CUL9: variants seen among roughly 807,000 people sequenced by gnomAD.
The protein encoded by CUL9 is cullin 9, also known as cullin-9.
CUL9 carries 79 observed loss-of-function variants against 272.6 expected under a neutral mutation model. That is an observed-to-expected ratio of 0.29 (90% CI 0.24 to 0.35). The LOEUF (loss-of-function observed/expected upper bound fraction) is 0.35, where lower values mean the gene tolerates loss of function less well. CUL9 is among the 10% of genes least tolerant of loss of function. The pLI, the probability that CUL9 is intolerant of heterozygous loss-of-function variation, is 1.00. For missense variants in CUL9, 2,532 were observed against 3,255.6 expected, an observed-to-expected ratio of 0.78 and a Z score of 5.41; for synonymous variants, 1,186 against 1,286.5, an observed-to-expected ratio of 0.92 and a Z score of 1.67.
At position 43,203,528 on chromosome 6, in the gene CUL9, C is replaced by G. The variant is rs1411887372; in HGVS notation, c.3961C>G (p.Arg1321Gly). 1 of 1,613,984 alleles carries G rather than the reference C, an allele frequency of 6.2e-7. No individual in the cohort carries two copies. Among genetic ancestry groups the G allele is most frequent in the African/African-American group, 1.3e-5 (1 of 74,894 alleles). ...CCGAACATGTCTCTTCTACACAATT[C>G]GGGCACAAGCCTGGAGCCGGGACAT... ...CRRTCLFYTI[R>G]AQAWSRDIAE... Residue 1321 changes from arginine (R) to glycine (G), a missense_variant, in exon 19 of 41, where the codon CGG (arginine) becomes GGG (glycine). Arg to Gly is a moderately radical substitution (Grantham distance 125). Coordinates refer to ENST00000252050, the MANE Select transcript of CUL9 (RefSeq NM_015089.4). This position sits in a 1 kb window ranked among gnomAD's most constrained non-coding sequence, Gnocchi z 5.0.
chr6:43,208,019 T>A (rs1018697802), intron 26 of CUL9, among the ~76,000 whole-genome samples: 1 of 152,150 alleles, frequency 6.6e-6, no homozygotes, highest in Non-Finnish European at 1.5e-5. Context: ...GTATATATAT[T>A]TTTTGGCTAT....
chr6:43,213,347 G>C lies in CUL9; in HGVS notation c.5358+53G>C. 1 of 1,611,158 alleles carries C rather than the reference G, an allele frequency of 6.2e-7. No homozygotes were observed. On this transcript the variant is annotated intron_variant, in intron 27 of 40. Transcript: ENST00000252050. The surrounding 1 kb of genome is among the most constrained non-coding windows in gnomAD (Gnocchi z 5.7). ...CTTCTCTGCTACCTTATCTGTCGCT[G>C]TTCTCCTCCTAAACCCTGTTCCTCC...
In CUL9 at chr6:43,199,796, C is replaced by T. The variant is rs1219299911; in HGVS notation, c.3157-133C>T. On this transcript the variant is annotated intron_variant, in intron 13 of 40. Transcript: ENST00000252050. This position sits in a 1 kb window ranked among gnomAD's most constrained non-coding sequence, Gnocchi z 4.4. ...ATTTTACTCCACCCTGAATTTGGTA[C>T]TCTTGTTTCCCTGGGCGTTGGCATG... The T allele has an allele frequency of 6.9e-6, 5 of 721,568 alleles. No individual in the cohort carries two copies. Among genetic ancestry groups the T allele is most frequent in the Admixed American group, 2.3e-5 (1 of 43,124 alleles). The allele number at this position is 721,568 out of a possible 1,614,324, so 44.7% of individuals were successfully genotyped here.
chr6:43,223,394 C>G lies in CUL9; in HGVS notation c.7281C>G (p.Ala2427=), dbSNP rs767411406. Residue 2427 remains alanine (A), a synonymous_variant, in exon 39 of 41, where the codon GCC becomes GCG. Transcript: ENST00000252050. This position sits in a 1 kb window ranked among gnomAD's most constrained non-coding sequence, Gnocchi z 4.1. The part of the protein sequence containing the change: ...ERLLAILQHS[A]QDFRVGLQSP... ...TGCTTGCCATCCTGCAGCATTCTGC[C>G]CAGGTACTGCCCGGCCCAGACCCCT... 6.3e-7 allele frequency: 1 copy of G among 1,594,146 alleles called. No individual in the cohort carries two copies. Among genetic ancestry groups the G allele is most frequent in the Non-Finnish European group, 8.5e-7 (1 of 1,169,772 alleles).
chr6:43,196,906 C>G lies in CUL9; in HGVS notation c.2803+44C>G, dbSNP rs553914142. On this transcript the variant is annotated intron_variant, in intron 11 of 40. Transcript: ENST00000252050. ...GGTTTTGCAGAGGAATCACACAGTG[C>G]CAGCCAGGTTTACATATCAGCTCCT... 2.6e-5 allele frequency: 39 copies of G among 1,508,364 alleles called. No homozygotes were observed. In the South Asian group the frequency reaches 4.2e-4, roughly 16 times the overall value. The allele number at this position is 1,508,364 out of a possible 1,614,324, so 93.4% of individuals were successfully genotyped here. A position where few individuals can be genotyped will look rare whatever the true frequency, so the allele number is the denominator to read the frequency against.
chr6:43,184,630 T>C lies in CUL9; in HGVS notation c.320T>C (p.Leu107Pro). The part of the protein sequence containing the change: ...SGSFPRDPGG[L>P]DEVAMGEMEA... ...AGCTTTCCTCGAGATCCAGGAGGCC[T>C]GGATGAAGTGGCAATGGGAGAGATG... Residue 107 changes from leucine (L) to proline (P), a missense_variant, in exon 2 of 41, where the codon CTG (leucine) becomes CCG (proline). Transcript: ENST00000252050. The surrounding 1 kb of genome is among the most constrained non-coding windows in gnomAD (Gnocchi z 4.8). 1 of 1,611,896 alleles carries C rather than the reference T, an allele frequency of 6.2e-7. No individual in the cohort carries two copies.
intron 8 of CUL9, among the ~76,000 whole-genome samples, chr6:43,192,361 T>C (rs766605443): frequency 2.6e-5 from 4 of 152,190 alleles, no homozygotes; most frequent in Non-Finnish European, 4.4e-5. Flanking sequence ...ACTATTTTTT[T>C]CTCAACATTT....
Position 43,186,991 on chromosome 6 carries a change from G to C in CUL9, c.1283G>C (p.Trp428Ser). The C allele has an allele frequency of 6.2e-7, 1 of 1,614,062 alleles. No individual in the cohort carries two copies. Among genetic ancestry groups the C allele is most frequent in the South Asian group, 1.1e-5 (1 of 91,086 alleles). The change falls in exon 5 of 41, where the codon TGG becomes TCG. Residue 428 changes from tryptophan (W) to serine (S), a missense_variant. Physicochemically the swap from Trp to Ser is radical, Grantham distance 177. This residue lies in a region of CUL9 where 2,218 missense variants were observed against 2,788.6 expected (regional missense o/e 0.80). Coordinates refer to ENST00000252050, the MANE Select transcript of CUL9 (RefSeq NM_015089.4). ...VFWQSTGRTYWVHWHMLEILG... is the reference protein window; with the variant it reads ...VFWQSTGRTYSVHWHMLEILG... ...TGGCAGTCGACAGGCCGCACTTACTGGGTGCACTGGCACATGCTGGAGATC... is the reference window on the plus strand; with the variant it reads ...TGGCAGTCGACAGGCCGCACTTACTCGGTGCACTGGCACATGCTGGAGATC...
Position 43,186,945 on chromosome 6 carries a change from C to T in CUL9, c.1252-15C>T, listed in dbSNP as rs759108432. 3.7e-6 allele frequency: 6 copies of T among 1,612,866 alleles called. No individual in the cohort carries two copies. The East Asian group carries it at 6.7e-5, about 18-fold the overall frequency. On this transcript the variant is annotated splice_polypyrimidine_tract_variant and intron_variant, in intron 4 of 40. Coordinates refer to ENST00000252050, the MANE Select transcript of CUL9 (RefSeq NM_015089.4). ...CCTTCTCTATTCTGCTCTCTTTCTT[C>T]CTCCCTCATACCAGGTTTTCTGGCA...
chr6:43,190,710 T>A (rs982493383), intron 8 of CUL9, among the ~76,000 whole-genome samples: 16 of 152,216 alleles, frequency 1.1e-4, no homozygotes, highest in African/African-American at 3.6e-4. Flanking sequence ...TCATTCACAC[T>A]GTTGTCATTA....
intron 31 of CUL9, among the ~76,000 whole-genome samples, chr6:43,219,468 G>T (rs1582430020): frequency 6.6e-6 from 1 of 152,196 alleles, no homozygotes; most frequent in South Asian, 2.1e-4. Flanking sequence ...TGAATTCAGA[G>T]AAAATTTTCC....
intron 20 of CUL9, 138 bp from the exon 21 acceptor site, chr6:43,204,222 A>G: frequency 8.6e-7 from 1 of 1,161,542 alleles, no homozygotes; most frequent in South Asian, 1.5e-5. Flanking sequence ...CAGCTGAAAC[A>G]AACCTTGGTG....
chr6:43,187,644 C>T, intron 6 of CUL9, 69 bp from the exon 7 acceptor site: 1 of 1,519,308 alleles, frequency 6.6e-7, no homozygotes, highest in Non-Finnish European at 9.0e-7. Flanking sequence ...AGTGATCACC[C>T]TTCCCATTAC....
chr6:43,183,236 A>G (rs1488256086), intron 1 of CUL9, among the ~76,000 whole-genome samples: 1 of 152,144 alleles, frequency 6.6e-6, no homozygotes, highest in Non-Finnish European at 1.5e-5. Flanking sequence ...CCTCTATCTT[A>G]TCTACTTAAC....
Position 43,193,067 on chromosome 6 carries a change from G to A in CUL9, c.2247G>A (p.Val749=), listed in dbSNP as rs886448220. Reference sequence around the variant, plus strand: ...AGGTGGGAGAGAAGATGGTGGTCGTGCAGGCCCTGCGCCTCCTTTACCTGC... The same window carrying A: ...AGGTGGGAGAGAAGATGGTGGTCGTACAGGCCCTGCGCCTCCTTTACCTGC... ...TNQVGEKMVV[V]QALRLLYLLM... Residue 749 remains valine (V), a synonymous_variant, in exon 9 of 41, where the codon GTG becomes GTA. Coordinates refer to ENST00000252050, the MANE Select transcript of CUL9 (RefSeq NM_015089.4). The A allele has an allele frequency of 6.2e-7, 1 of 1,614,124 alleles. No homozygotes were observed. The highest frequency in any genetic ancestry group is 8.5e-7 in the Non-Finnish European group (1 of 1,180,044).
rs1271833661 is a variant in CUL9, at chr6:43,224,092, C to T, written c.7285-3C>T. 6.2e-7 allele frequency: 1 copy of T among 1,613,978 alleles called. No individual in the cohort carries two copies. The highest frequency in any genetic ancestry group is 1.7e-5 in the Admixed American group (1 of 60,010). On this transcript the variant is annotated splice_polypyrimidine_tract_variant and splice_region_variant and intron_variant, in intron 39 of 40. Coordinates refer to ENST00000252050, the MANE Select transcript of CUL9 (RefSeq NM_015089.4). This position sits in a 1 kb window ranked among gnomAD's most constrained non-coding sequence, Gnocchi z 4.2. ...TTCTCAAATCCTTCTGTCTGCTCAC[C>T]AGGATTTCCGGGTTGGTCTTCAGAG...
In CUL9 at chr6:43,223,890, G is replaced by T; in HGVS notation, c.7285-205G>T. 3.3e-6 allele frequency: 2 copies of T among 607,564 alleles called. No individual in the cohort carries two copies. The highest frequency in any genetic ancestry group is 5.9e-6 in the Non-Finnish European group (2 of 339,538). 37.6% of individuals were successfully genotyped at this position (607,564 alleles called of 1,614,324 possible). ...GATTCTGTAAGCTCTTTAAGCACAG[G>T]GTCGTGTGCCTCACCTGGTACCCCG... On this transcript the variant is annotated intron_variant, in intron 39 of 40. Transcript: ENST00000252050. The surrounding 1 kb of genome is among the most constrained non-coding windows in gnomAD (Gnocchi z 4.1).
chr6:43,185,896 G>A, intron 3 of CUL9, 59 bp from the exon 4 acceptor site: 1 of 1,532,664 alleles, frequency 6.5e-7, no homozygotes, highest in South Asian at 1.3e-5. Flanking sequence ...ATACTTCAGG[G>A]AAGGGGAGAG....
At position 43,200,428 on chromosome 6, in the gene CUL9, G is replaced by A. The variant is rs1774419794; in HGVS notation, c.3385-8G>A. 2.5e-6 allele frequency: 4 copies of A among 1,613,800 alleles called. No individual in the cohort carries two copies. The highest frequency in any genetic ancestry group is 3.4e-6 in the Non-Finnish European group (4 of 1,180,012). ...TCTTCCTCATTCTCCCTGATGTTCCGGCTGCAGATGGTGCTGGGCCAGATC... is the reference window on the plus strand; with the variant it reads ...TCTTCCTCATTCTCCCTGATGTTCCAGCTGCAGATGGTGCTGGGCCAGATC... On this transcript the variant is annotated splice_polypyrimidine_tract_variant and splice_region_variant and intron_variant, in intron 14 of 40. Transcript: ENST00000252050. This position sits in a 1 kb window ranked among gnomAD's most constrained non-coding sequence, Gnocchi z 4.0.
Sources: allele counts gnomAD v4.1 joint callset (sites outside exome capture counted in the v4.1 genomes callset), GRCh38; gene constraint gnomAD v4.1.1; regional missense constraint gnomAD v4.1.1; non-coding constraint Gnocchi (gnomAD v3.1); transcripts MANE v1.5; gene names NCBI Gene and HGNC (gene_info 2026-07-23, HGNC 2026-07-21).